The following COG5 variants were observed in gnomAD, a reference collection of about 807,000 sequenced individuals.
The protein encoded by COG5 is component of oligomeric golgi complex 5.
A neutral mutation model predicts 110.4 loss-of-function variants in COG5; 86 were observed. The observed-to-expected ratio is 0.78, with a 90% CI of 0.65 to 0.93. The LOEUF (loss-of-function observed/expected upper bound fraction) is 0.93, where lower values mean the gene tolerates loss of function less well. Ranked by LOEUF, COG5 falls within the 40% of genes least tolerant of loss-of-function variation. The probability of loss-of-function intolerance (pLI) is 0.00; values close to 1 mark genes in which losing one functional copy is unlikely to be tolerated. For missense variants in COG5, 1,077 were observed against 987.0 expected, an observed-to-expected ratio of 1.09 and a Z score of -1.22; for synonymous variants, 360 against 334.6, an observed-to-expected ratio of 1.08 and a Z score of -0.83.
chr7:107,361,566 A>G (rs1209286067), intron 10 of COG5, among the ~76,000 whole-genome samples: 2 of 151,992 alleles, frequency 1.3e-5, no homozygotes, highest in Non-Finnish European at 2.9e-5. Context: ...ATTTTAGTTT[A>G]TTTATTTATT....
At chr7:107,211,309 T>G in intron 19 of COG5, 84 bp from the exon 20 acceptor site, 1 of 1,494,172 alleles carries the variant, frequency 6.7e-7, no homozygotes, top group Non-Finnish European at 9.3e-7. Flanking sequence ...CCTTGTAGAA[T>G]AGCATTTTTC....
At position 107,509,881 on chromosome 7, in the gene COG5, A is replaced by C. The variant is rs1343061253; in HGVS notation, c.538+17356T>G. On this transcript the variant is annotated intron_variant, in intron 6 of 21. Transcript: ENST00000297135. ...TTTTGTCACCACCAGGCCTGCCCTA[A>C]AAGAGCTCCTGAAAGAAGCACTAAA... 1.3e-5 allele frequency among the ~76,000 whole-genome samples: 2 copies of C among 152,298 alleles called. 1 individual carries two copies. The highest frequency in any genetic ancestry group is 4.8e-5 in the African/African-American group (2 of 41,550).
At chr7:107,295,688 A>C (rs1222367346) in intron 12 of COG5, among the ~76,000 whole-genome samples, 2 of 152,170 alleles carry the variant, frequency 1.3e-5, no homozygotes, top group Non-Finnish European at 2.9e-5. Flanking sequence ...CTCACCAACC[A>C]CATTACTGAA....
chr7:107,416,270 G>C (rs1036475468), intron 6 of COG5, among the ~76,000 whole-genome samples: 15 of 151,890 alleles, frequency 9.9e-5, no homozygotes, highest in Non-Finnish European at 1.6e-4. Context: ...AAAAAATTTT[G>C]TAATATATTC....
chr7:107,419,918 C>T (rs901699135), intron 6 of COG5, among the ~76,000 whole-genome samples: 8 of 152,098 alleles, frequency 5.3e-5, no homozygotes, highest in African/African-American at 1.7e-4. Flanking sequence ...TTAAATAACA[C>T]GTTCATGTAA....
intron 12 of COG5, 27 bp from the exon 13 acceptor site, chr7:107,283,759 T>G (rs1292486773): frequency 6.4e-7 from 1 of 1,563,942 alleles, no homozygotes; most frequent in Admixed American, 1.7e-5. Context: ...TTTTAAAAAC[T>G]AACTTAAATT....
chr7:107,428,790 T>C (rs986106598), intron 6 of COG5, among the ~76,000 whole-genome samples: 1 of 152,212 alleles, frequency 6.6e-6, no homozygotes, highest in African/African-American at 2.4e-5. Flanking sequence ...AGGTTCCACA[T>C]GCAGAGCAGC....
At chr7:107,266,810 C>G (rs1341696360) in intron 14 of COG5, among the ~76,000 whole-genome samples, 1 of 152,154 alleles carries the variant, frequency 6.6e-6, no homozygotes, top group Non-Finnish European at 1.5e-5. Flanking sequence ...TAACATCAAT[C>G]TAGCAGTTCA....
chr7:107,209,226 G>A, intron 21 of COG5: 2 of 985,432 alleles, frequency 2.0e-6, no homozygotes. Context: ...GACTTCAAGA[G>A]CTATTTTAGA....
At chr7:107,362,216 C>G in intron 9 of COG5, 92 bp downstream of exon 9, 1 of 1,350,496 alleles carries the variant, frequency 7.4e-7, no homozygotes. Flanking sequence ...TTTGAATGCT[C>G]ATTGATTAAA....
chr7:107,291,197 T>C (rs1254478585), intron 12 of COG5, among the ~76,000 whole-genome samples: 1 of 152,210 alleles, frequency 6.6e-6, no homozygotes, highest in African/African-American at 2.4e-5. Context: ...TAGATGTTGG[T>C]ATTCTTAATG....
chr7:107,300,183 C>T (rs900330562), intron 11 of COG5, among the ~76,000 whole-genome samples: 1 of 152,004 alleles, frequency 6.6e-6, no homozygotes, highest in Admixed American at 6.6e-5. Flanking sequence ...GGAACACACC[C>T]TTAACCTAAT....
chr7:107,264,010 T>A (rs1294505761), intron 14 of COG5, among the ~76,000 whole-genome samples: 1 of 152,206 alleles, frequency 6.6e-6, no homozygotes, highest in Non-Finnish European at 1.5e-5. Context: ...GTTATAAAGT[T>A]GATGGCTCCG....
chr7:107,560,761 G>C (rs1164661508), intron 1 of COG5, among the ~76,000 whole-genome samples: 3 of 152,140 alleles, frequency 2.0e-5, no homozygotes, highest in Admixed American at 2.0e-4. Context: ...AACTAGCACT[G>C]CTTGTTTACT....
Position 107,512,917 on chromosome 7 carries a change from C to T in COG5, c.538+14320G>A, listed in dbSNP as rs1482842001. Among the ~76,000 whole-genome samples, 18 of 151,776 alleles carry T rather than the reference C, an allele frequency of 1.2e-4. 1 individual carries two copies. Among genetic ancestry groups the T allele is most frequent in the African/African-American group, 3.4e-4 (14 of 41,356 alleles). On this transcript the variant is annotated intron_variant, in intron 6 of 21. Transcript: ENST00000297135. ...TAATTCAAGATGGATTAAAGACTTA[C>T]ATGTTAGACCTAAAACCATAAAAAC...
intron 14 of COG5, among the ~76,000 whole-genome samples, chr7:107,263,699 C>A (rs145505110): frequency 1.3e-5 from 2 of 152,250 alleles, no homozygotes; most frequent in African/African-American, 4.8e-5. Context: ...ATTTAATTAT[C>A]TGAACAAAAT....
chr7:107,368,365 C>G (rs891860753), intron 8 of COG5, among the ~76,000 whole-genome samples: 1 of 151,708 alleles, frequency 6.6e-6, no homozygotes, highest in African/African-American at 2.4e-5. Flanking sequence ...TAAGTTCACA[C>G]ATATGAATGA....
At chr7:107,216,910 G>A (rs975628468) in intron 19 of COG5, among the ~76,000 whole-genome samples, 4 of 151,890 alleles carry the variant, frequency 2.6e-5, no homozygotes, top group Middle Eastern at 3.2e-3. Context: ...ATACAGACTA[G>A]AAAACCAGGG....
At chr7:107,395,366 CTG>C (rs1790909905) in intron 7 of COG5, among the ~76,000 whole-genome samples, 1 of 151,960 alleles carries the variant, frequency 6.6e-6, no homozygotes, top group South Asian at 2.1e-4. Context: ...TCCCAACTCA[CTG>C]TGTTTTCCCA....
Sources: allele counts gnomAD v4.1 joint callset (sites outside exome capture counted in the v4.1 genomes callset), GRCh38; gene constraint gnomAD v4.1.1; transcripts MANE v1.5; gene names NCBI Gene and HGNC (gene_info 2026-07-23, HGNC 2026-07-21).